The following MERTK variants were observed in gnomAD, a reference collection of about 807,000 sequenced individuals.
MERTK encodes tyrosine-protein kinase Mer.
A neutral mutation model predicts 99.3 loss-of-function variants in MERTK; 69 were observed. That is an observed-to-expected ratio of 0.70 (90% confidence interval 0.57 to 0.85). The LOEUF (loss-of-function observed/expected upper bound fraction) is 0.85, where lower values mean the gene tolerates loss of function less well. Ranked by LOEUF, MERTK falls within the 40% of genes least tolerant of loss-of-function variation. The pLI is 0.00. For missense variants in MERTK, 1,125 were observed against 1,249.4 expected (o/e 0.90, Z 1.50); for synonymous variants, 426 against 467.6 (o/e 0.91, Z 1.15).
At chr2:111,969,575 T>C (rs1676038914) in intron 6 of MERTK, among the ~76,000 whole-genome samples, 1 of 152,170 alleles carries the variant, frequency 6.6e-6, no homozygotes, top group African/African-American at 2.4e-5. Flanking sequence ...TCAAATTAAT[T>C]TCTCTGTTCT....
intron 1 of MERTK, among the ~76,000 whole-genome samples, chr2:111,905,088 G>C (rs1385876816): frequency 6.6e-6 from 1 of 152,228 alleles, no homozygotes; most frequent in Non-Finnish European, 1.5e-5. Context: ...GGAGAACAAG[G>C]ATACTAAGAA....
At chr2:112,007,971 A>G (rs1677018744) in intron 13 of MERTK, among the ~76,000 whole-genome samples, 1 of 152,084 alleles carries the variant, frequency 6.6e-6, no homozygotes, top group Non-Finnish European at 1.5e-5. Flanking sequence ...CCCTCCTGAC[A>G]CACATAATTT....
chr2:111,975,316 G>A lies in MERTK; in HGVS notation c.988G>A (p.Gly330Ser), dbSNP rs1256588547. The A allele has an allele frequency of 3.1e-6, 5 of 1,614,058 alleles. No homozygotes were observed. The South Asian group carries it at 3.3e-5, about 11-fold the overall frequency. ...CAAGGAAGCTGATCCGCTGAGTAAT[G>A]GCTCAGTCATGATTTTTAACACCTC... ...QVKEADPLSN[G>S]SVMIFNTSAL... Residue 330 changes from glycine (G) to serine (S), a missense_variant, in exon 7 of 19, where the codon GGC becomes AGC. Physicochemically the swap from Gly to Ser is moderately conservative, Grantham distance 56 (BLOSUM62 0). Transcript: ENST00000295408.
chr2:111,976,403 G>C (rs66486378), intron 7 of MERTK, among the ~76,000 whole-genome samples: 94,010 of 151,962 alleles, frequency 0.62, 29,462 homozygotes, highest in Middle Eastern at 0.7. Flanking sequence ...AGGAGGGCGG[G>C]AAGAGGTCAG....
intron 2 of MERTK, chr2:111,940,507 T>C: frequency 1.7e-6 from 1 of 592,512 alleles, no homozygotes; most frequent in South Asian, 1.4e-5. Context: ...AGGCAAGCCC[T>C]CTTTTGTTTG....
At chr2:111,949,956 C>T (rs1050285774) in intron 4 of MERTK, among the ~76,000 whole-genome samples, 5 of 152,056 alleles carry the variant, frequency 3.3e-5, no homozygotes, top group African/African-American at 1.2e-4. Flanking sequence ...TTTTTATTTT[C>T]AGAAGGAGTC....
chr2:112,004,770 C>T (rs923761324), intron 13 of MERTK, among the ~76,000 whole-genome samples: 1 of 151,986 alleles, frequency 6.6e-6, no homozygotes, highest in Non-Finnish European at 1.5e-5. Context: ...ATTAGCCGGG[C>T]GTGGTGACAC....
intron 5 of MERTK, among the ~76,000 whole-genome samples, chr2:111,967,177 G>C (rs916534078): frequency 6.6e-6 from 1 of 152,194 alleles, no homozygotes; most frequent in African/African-American, 2.4e-5. Flanking sequence ...AGGGACACAA[G>C]CTCCAGGGTC....
chr2:111,984,923 C>G (rs1195677289), intron 8 of MERTK, among the ~76,000 whole-genome samples: 1 of 152,320 alleles, frequency 6.6e-6, no homozygotes, highest in East Asian at 1.9e-4. Context: ...TGGAATACCA[C>G]TGTGTGCTTG....
chr2:112,023,413 C>CA (rs1343417385), intron 18 of MERTK, among the ~76,000 whole-genome samples: 3 of 151,118 alleles, frequency 2.0e-5, no homozygotes, highest in East Asian at 1.9e-4. Flanking sequence ...AACTCCATCT[C>CA]AAAAAAAATA....
intron 7 of MERTK, among the ~76,000 whole-genome samples, chr2:111,980,710 G>A (rs983530650): frequency 2.0e-5 from 3 of 152,188 alleles, no homozygotes; most frequent in South Asian, 2.1e-4. Flanking sequence ...GACCCACTGC[G>A]CCCGGCAGAG....
chr2:111,929,862 A>G (rs1222309839), intron 2 of MERTK, among the ~76,000 whole-genome samples: 2 of 151,990 alleles, frequency 1.3e-5, no homozygotes, highest in African/African-American at 4.8e-5. Context: ...AGGCCTCCCA[A>G]AGTGCTGGGA....
chr2:111,991,820 C>T (rs982882844), intron 8 of MERTK, among the ~76,000 whole-genome samples: 16 of 152,026 alleles, frequency 1.1e-4, no homozygotes, highest in African/African-American at 3.9e-4. Flanking sequence ...CTCCCATAGC[C>T]CTTGTTGTTT....
rs1677537467 is a variant in MERTK at position 112,029,487 on chromosome 2, T to C, written c.*623T>C. 3.6e-6 allele frequency: 1 copy of C among 279,478 alleles called. No homozygotes were observed. The highest frequency in any genetic ancestry group is 1.7e-4 in the East Asian group (1 of 5,758). The allele number at this position is 279,478 out of a possible 1,614,324, so 17.3% of individuals were successfully genotyped here. A position where few individuals can be genotyped will look rare whatever the true frequency, so the allele number is the denominator to read the frequency against. On this transcript the variant is annotated 3_prime_UTR_variant, in exon 19 of 19. Coordinates refer to ENST00000295408, the MANE Select transcript of MERTK (RefSeq NM_006343.3). Reference sequence around the variant, plus strand: ...GCAATTGCTCTGACCATTCTTGGCATTGCTTTATAGAGATATGGAAAAACC... The same window carrying C: ...GCAATTGCTCTGACCATTCTTGGCACTGCTTTATAGAGATATGGAAAAACC...
chr2:111,919,170 A>G (rs1302944345), intron 1 of MERTK, among the ~76,000 whole-genome samples: 1 of 152,028 alleles, frequency 6.6e-6, no homozygotes, highest in Admixed American at 6.6e-5. Flanking sequence ...CTCATCTCCT[A>G]AAGCACGTGC....
At chr2:111,943,344 T>C (rs1168272582) in intron 2 of MERTK, among the ~76,000 whole-genome samples, 1 of 152,134 alleles carries the variant, frequency 6.6e-6, no homozygotes, top group African/African-American at 2.4e-5. Flanking sequence ...TTTGAGCCAA[T>C]AAAGAAATCC....
chr2:111,958,266 G>A (rs1255010224), intron 4 of MERTK, among the ~76,000 whole-genome samples: 3 of 152,104 alleles, frequency 2.0e-5, no homozygotes, highest in African/African-American at 7.2e-5. Context: ...GGCTGTAAAT[G>A]TCAAGGTCTA....
intron 3 of MERTK, among the ~76,000 whole-genome samples, chr2:111,947,030 T>C (rs1684971890): frequency 6.6e-6 from 1 of 152,204 alleles, no homozygotes; most frequent in Admixed American, 6.5e-5. Flanking sequence ...CCCAGCACTT[T>C]GGGAGGCCAA....
At chr2:111,951,548 T>TATATATATATATATATATAC (rs1491494901) in intron 4 of MERTK, among the ~76,000 whole-genome samples, 9 of 118,902 alleles carry the variant, frequency 7.6e-5, no homozygotes, top group Non-Finnish European at 9.1e-5. Flanking sequence ...TATATATATA[T>TATATATATATATATATATAC]ACCATAATTT....
Sources: gnomAD v4.1 joint callset for allele counts (sites outside exome capture counted in the v4.1 genomes callset) on GRCh38, gnomAD v4.1.1 for gene constraint, MANE v1.5 for transcripts, NCBI Gene and HGNC (gene_info 2026-07-23, HGNC 2026-07-21) for gene names.